The following PKP2 variants were observed in gnomAD, a reference collection of about 807,000 sequenced individuals.
PKP2 encodes plakophilin-2.
In PKP2, 73 loss-of-function variants were observed where a neutral mutation model predicts 83.4. The ratio of observed to expected loss-of-function variants is 0.88; its 90% CI spans 0.72 to 1.06. PKP2 has a LOEUF of 1.06. PKP2 is among the 50% of genes least tolerant of loss of function. The probability of loss-of-function intolerance (pLI) is 0.00; values close to 1 mark genes in which losing one functional copy is unlikely to be tolerated. For synonymous variants in PKP2, 409 were observed against 430.4 expected (o/e 0.95, Z 0.62); for missense variants, 966 against 1,065.4 (o/e 0.91, Z 1.30).
chr12:32,824,815 A>G (rs1013776012), intron 6 of PKP2, among the ~76,000 whole-genome samples: 1 of 152,192 alleles, frequency 6.6e-6, no homozygotes, highest in Non-Finnish European at 1.5e-5. Flanking sequence ...AATATTGCTA[A>G]GTCATGACAC....
chr12:32,829,971 C>T (rs140569842), intron 6 of PKP2, among the ~76,000 whole-genome samples: 269 of 152,084 alleles, frequency 1.8e-3, no homozygotes, highest in Middle Eastern at 6.8e-3. Context: ...TGGGACCAGT[C>T]TTGAAGTTCT....
In PKP2 at chr12:32,896,715, G is replaced by A; in HGVS notation, c.17C>T (p.Ala6Val). Reference protein sequence around the residue: MAAPGAPAEYGYIRTV... With the variant: MAAPGVPAEYGYIRTV... The stretch of plus-strand genomic sequence containing the variant: ...CCGGATGTAGCCGTACTCAGCTGGG[G>A]CGCCGGGGGCTGCCATGGGGCCGGT... The change falls in exon 1 of 13, where the codon GCC (alanine) becomes GTC (valine). Residue 6 changes from alanine (A) to valine (V), a missense_variant. Ala to Val is a moderately conservative substitution (Grantham distance 64). Coordinates refer to ENST00000340811, the MANE Select transcript of PKP2 (RefSeq NM_001005242.3). The A allele has an allele frequency of 6.8e-7, 1 of 1,475,114 alleles. No homozygotes were observed. Among genetic ancestry groups the A allele is most frequent in the South Asian group, 1.3e-5 (1 of 77,318 alleles). 91.4% of individuals were successfully genotyped at this position (1,475,114 alleles called of 1,614,324 possible). A position where few individuals can be genotyped will look rare whatever the true frequency, so the allele number is the denominator to read the frequency against.
At chr12:32,865,305 G>A (rs1374715522) in intron 4 of PKP2, among the ~76,000 whole-genome samples, 1 of 151,110 alleles carries the variant, frequency 6.6e-6, no homozygotes, top group African/African-American at 2.4e-5. Flanking sequence ...AAGCCAGAAG[G>A]CGGAGGTTGC....
chr12:32,849,211 G>T (rs776377017), intron 5 of PKP2, among the ~76,000 whole-genome samples: 1 of 152,028 alleles, frequency 6.6e-6, no homozygotes. Flanking sequence ...TATGCCTCCT[G>T]CAATCTTTGT....
chr12:32,820,314 G>A (rs1956364151), intron 9 of PKP2: 1 of 152,116 alleles, frequency 6.6e-6, no homozygotes, highest in African/African-American at 2.4e-5. Context: ...GCTATTTGGG[G>A]GGAGTTTATT....
intron 9 of PKP2, among the ~76,000 whole-genome samples, chr12:32,812,671 T>G (rs2137751003): frequency 6.6e-6 from 1 of 152,146 alleles, no homozygotes; most frequent in Middle Eastern, 3.4e-3. Flanking sequence ...CCTGGCTAAT[T>G]TTTTGTATTT....
At chr12:32,878,659 AG>A in intron 2 of PKP2, 116 bp from the exon 3 acceptor site, 1 of 913,046 alleles carries the variant, frequency 1.1e-6, no homozygotes, top group South Asian at 1.6e-5. Flanking sequence ...TCAGATGACG[AG>A]AAGTTTGCCC....
At position 32,822,609 on chromosome 12, in the gene PKP2, A is replaced by G; in HGVS notation, c.1697T>C (p.Ile566Thr). Residue 566 changes from isoleucine to threonine, a missense_variant, in exon 8 of 13, where the codon ATT (isoleucine) becomes ACT (threonine). Physicochemically the swap from Ile to Thr is moderately conservative, Grantham distance 89. Transcript: ENST00000340811. Reference protein sequence around the residue: ...DDKATENCVCILHNLSYQLEA... With the variant: ...DDKATENCVCTLHNLSYQLEA... ...CAGCTGGTAGGAGAGGTTATGAAGA[A>G]TGCACACACAATTCTCCGTGGCCTG... is the stretch of plus-strand genomic sequence containing the variant. The G allele has an allele frequency of 6.2e-7, 1 of 1,614,192 alleles. No individual in the cohort carries two copies. Among genetic ancestry groups the G allele is most frequent in the South Asian group, 1.1e-5 (1 of 91,090 alleles).
At chr12:32,843,916 A>G (rs1956623754) in intron 5 of PKP2, among the ~76,000 whole-genome samples, 1 of 152,252 alleles carries the variant, frequency 6.6e-6, no homozygotes, top group South Asian at 2.1e-4. Flanking sequence ...TTAGTCCTAA[A>G]TAAGCAAACA....
chr12:32,802,697 C>T, intron 9 of PKP2, 141 bp from the exon 10 acceptor site: 2 of 781,290 alleles, frequency 2.6e-6, no homozygotes, highest in South Asian at 3.3e-5. Flanking sequence ...CTCTCTCTGT[C>T]ATTCAGGCTG....
At chr12:32,823,358 A>C (rs545131857) in intron 7 of PKP2, among the ~76,000 whole-genome samples, 1 of 146,210 alleles carries the variant, frequency 6.8e-6, no homozygotes, top group Non-Finnish European at 1.5e-5. Flanking sequence ...CAGTGGTTGC[A>C]GTGAGCTGAG....
chr12:32,808,895 T>TC (rs1364603311), intron 9 of PKP2, among the ~76,000 whole-genome samples: 1 of 152,168 alleles, frequency 6.6e-6, no homozygotes, highest in Non-Finnish European at 1.5e-5. Context: ...GCCTGCTCCT[T>TC]CCTCTGGACA....
intron 5 of PKP2, among the ~76,000 whole-genome samples, chr12:32,842,089 T>C (rs1021410147): frequency 1.3e-5 from 2 of 152,220 alleles, no homozygotes; most frequent in African/African-American, 2.4e-5. Flanking sequence ...GGCTGAGTAC[T>C]GAGAGAAAAT....
intron 6 of PKP2, among the ~76,000 whole-genome samples, chr12:32,836,447 G>C (rs1175476720): frequency 6.6e-6 from 1 of 152,232 alleles, no homozygotes; most frequent in Non-Finnish European, 1.5e-5. Flanking sequence ...ACTAACACAA[G>C]TTCATTAGTT....
Position 32,832,390 on chromosome 12 carries a change from A to C in PKP2, c.1557-8228T>G, listed in dbSNP as rs569602229. On this transcript the variant is annotated intron_variant, in intron 6 of 12. Coordinates refer to ENST00000340811, the MANE Select transcript of PKP2 (RefSeq NM_001005242.3). ...AGAGTCTGTCTCAAAAAAAGAAAAA[A>C]AAAAAATTTACAAAGTAATTTAATT... is the stretch of plus-strand genomic sequence containing the variant. 1.2e-3 allele frequency among the ~76,000 whole-genome samples: 176 copies of C among 152,272 alleles called. 2 individuals carry two copies. The highest frequency in any genetic ancestry group is 3.9e-3 in the African/African-American group (164 of 41,556).
At chr12:32,831,193 T>C (rs969627854) in intron 6 of PKP2, among the ~76,000 whole-genome samples, 1 of 152,324 alleles carries the variant, frequency 6.6e-6, no homozygotes, top group African/African-American at 2.4e-5. Flanking sequence ...ATAAGAAAGA[T>C]GTTTAAGACC....
Position 32,824,166 on chromosome 12 carries a change from T to C in PKP2, c.1557-4A>G. On this transcript the variant is annotated splice_polypyrimidine_tract_variant and splice_region_variant and intron_variant, in intron 6 of 12. Transcript: ENST00000340811. Reference sequence around the variant, plus strand: ...AGCGCCAGCAGAACTCATGTTTCTATCAGAAAAAACAAAAAACAAAAAAGT... The same window carrying C: ...AGCGCCAGCAGAACTCATGTTTCTACCAGAAAAAACAAAAAACAAAAAAGT... 1.2e-6 allele frequency: 2 copies of C among 1,603,946 alleles called. No individual in the cohort carries two copies. The highest frequency in any genetic ancestry group is 1.7e-6 in the Non-Finnish European group (2 of 1,172,250).
intron 1 of PKP2, among the ~76,000 whole-genome samples, chr12:32,887,274 C>T (rs556742048): frequency 3.3e-5 from 5 of 152,270 alleles, no homozygotes; most frequent in East Asian, 1.9e-4. Flanking sequence ...TGCCAGTGTG[C>T]GACTGACTAA....
At chr12:32,823,051 C>A (rs1956397968) in intron 7 of PKP2, among the ~76,000 whole-genome samples, 1 of 152,112 alleles carries the variant, frequency 6.6e-6, no homozygotes, top group South Asian at 2.1e-4. Flanking sequence ...AACTGAAAGC[C>A]TTTTCAGAGG....
Sources: allele counts gnomAD v4.1 joint callset (sites outside exome capture counted in the v4.1 genomes callset), GRCh38; gene constraint gnomAD v4.1.1; transcripts MANE v1.5; gene names NCBI Gene and HGNC (gene_info 2026-07-23, HGNC 2026-07-21).